Variants in POLR3E observed in about 807,000 individuals in gnomAD.
POLR3E encodes the protein DNA-directed RNA polymerase III subunit RPC5.
POLR3E carries 41 observed loss-of-function variants against 96.6 expected under a neutral mutation model. The ratio of observed to expected loss-of-function variants is 0.42; its 90% CI spans 0.33 to 0.55. The LOEUF (loss-of-function observed/expected upper bound fraction) is 0.55, where lower values mean the gene tolerates loss of function less well. Among genes scored for constraint, POLR3E ranks in the 20% least tolerant of loss-of-function variants. The probability of loss-of-function intolerance (pLI) is 0.06; values close to 1 mark genes in which losing one functional copy is unlikely to be tolerated. For missense variants in POLR3E, 849 were observed against 952.1 expected (o/e 0.89, Z 1.43); for synonymous variants, 396 against 383.6 (o/e 1.03, Z -0.38).
At chr16:22,317,968 G>A (rs1055925689) in intron 12 of POLR3E, among the ~76,000 whole-genome samples, 1 of 152,080 alleles carries the variant, frequency 6.6e-6, no homozygotes, top group East Asian at 1.9e-4. Flanking sequence ...TGATCCTTGA[G>A]TTCAGAATGG....
Position 22,318,824 on chromosome 16 carries a change from A to C in POLR3E, c.866-2A>C. ...GTCTGATGTCTCCTGCGTCCTCCTC[A>C]GTGAAGGTCATGCCTTTTGCCAACT... On this transcript the variant is annotated splice_acceptor_variant, in intron 12 of 20. Transcript: ENST00000299853. LOFTEE classifies it high-confidence loss of function. The surrounding 1 kb of genome is among the most constrained non-coding windows in gnomAD (Gnocchi z 5.0). The C allele has an allele frequency of 6.2e-7, 1 of 1,610,902 alleles. No individual in the cohort carries two copies. The highest frequency in any genetic ancestry group is 8.5e-7 in the Non-Finnish European group (1 of 1,178,384).
At chr16:22,331,892 G>A (rs1030944101) in intron 19 of POLR3E, 168 bp from the exon 20 acceptor site, 7 of 622,280 alleles carry the variant, frequency 1.1e-5, no homozygotes, top group Non-Finnish European at 2.0e-5. Context: ...ACACTGTCTT[G>A]CTGGGTCTCT....
chr16:22,324,461 A>C (rs778024075), intron 15 of POLR3E, 42 bp from the exon 16 acceptor site: 1 of 1,605,996 alleles, frequency 6.2e-7, no homozygotes, highest in East Asian at 2.3e-5. Flanking sequence ...GCTGGAGGGG[A>C]GGGGGCTGGC....
At chr16:22,326,301 G>A (rs1454319807) in intron 18 of POLR3E, 23 bp downstream of exon 18, 11 of 679,932 alleles carry the variant, frequency 1.6e-5, no homozygotes, top group Non-Finnish European at 2.6e-5. Context: ...CTGCCTGCCA[G>A]GGGCATGGGG....
At chr16:22,332,228 G>C in intron 20 of POLR3E, 43 bp downstream of exon 20, 2 of 1,590,838 alleles carry the variant, frequency 1.3e-6, no homozygotes, top group Non-Finnish European at 1.7e-6. Context: ...AAAGGCTCTG[G>C]AAGGGGCTGA....
At position 22,314,113 on chromosome 16, in the gene POLR3E, T is replaced by C; in HGVS notation, c.507T>C (p.Asp169=). The C allele has an allele frequency of 6.2e-7, 1 of 1,613,910 alleles. No homozygotes were observed. ...GDSSQDEAED[D]VKQITVRFSR... Reference sequence around the variant, plus strand: ...CTTCACAGGATGAGGCGGAAGACGATGTTAAGCAGATCACGGTGAGCCCTG... The same window carrying C: ...CTTCACAGGATGAGGCGGAAGACGACGTTAAGCAGATCACGGTGAGCCCTG... Residue 169 remains aspartate, a synonymous_variant, in exon 8 of 21, where the codon GAT becomes GAC. Transcript: ENST00000299853.
At position 22,313,508 on chromosome 16, in the gene POLR3E, G is replaced by GA; in HGVS notation, c.365-110dup. 1 of 687,896 alleles carries GA rather than the reference G, an allele frequency of 1.5e-6. No individual in the cohort carries two copies. 42.6% of individuals were successfully genotyped at this position (687,896 alleles called of 1,614,324 possible). ...ACTCTAGGATTGGGGGCTGCAGCGGGAATGGGAGGCGGTTTGATGGTGGGC... is the reference window on the plus strand; with the variant it reads ...ACTCTAGGATTGGGGGCTGCAGCGGGAAATGGGAGGCGGTTTGATGGTGGGC... On this transcript the variant is annotated intron_variant, in intron 6 of 20. Transcript: ENST00000299853. The surrounding 1 kb of genome is among the most constrained non-coding windows in gnomAD (Gnocchi z 4.1).
intron 1 of POLR3E, among the ~76,000 whole-genome samples, chr16:22,301,914 T>G (rs901594486): frequency 7.0e-6 from 1 of 143,104 alleles, no homozygotes; most frequent in Non-Finnish European, 1.5e-5. Context: ...AGAGCAAGAC[T>G]CCGTCTCAAG....
At chr16:22,308,052 G>T in intron 3 of POLR3E, 96 bp from the exon 4 acceptor site, 1 of 864,548 alleles carries the variant, frequency 1.2e-6, no homozygotes, top group Non-Finnish European at 1.9e-6. Flanking sequence ...GTCTCTGCTT[G>T]GGGTGGGCTT....
chr16:22,300,214 G>A (rs543229680), intron 1 of POLR3E, among the ~76,000 whole-genome samples: 3 of 152,256 alleles, frequency 2.0e-5, no homozygotes, highest in South Asian at 2.1e-4. Flanking sequence ...CATATAGTAG[G>A]GACAGTTATA....
intron 1 of POLR3E, among the ~76,000 whole-genome samples, chr16:22,297,795 G>C (rs971210689): frequency 6.6e-6 from 1 of 152,234 alleles, no homozygotes; most frequent in Admixed American, 6.5e-5. Context: ...GGGTCCAGCC[G>C]ACCTGCCCTA....
rs2048538720 is a variant in POLR3E at position 22,324,564 on chromosome 16, G to T, written c.1190G>T (p.Gly397Val). The T allele has an allele frequency of 1.2e-6, 2 of 1,613,334 alleles. No individual in the cohort carries two copies. The highest frequency in any genetic ancestry group is 1.7e-6 in the Non-Finnish European group (2 of 1,179,742). ...EHMAVVRINK[G>V]WEFILPYDGE... is the part of the protein sequence containing the mutation. ...ATGGCCGTGGTGAGGATCAACAAAG[G>T]CTGGGAGTTCATTCTGCCTTATGAT... The change falls in exon 16 of 21, where the codon GGC becomes GTC. Residue 397 changes from glycine to valine, a missense_variant. Transcript: ENST00000299853.
rs578144035 is a variant in POLR3E, at chr16:22,313,953, T to G, written c.473-126T>G. ...CTGTCCCCGATTGAGAACCACTGGCTTAGGCAGCTCCCTCTGCGAGGAGAA... is the reference window on the plus strand; with the variant it reads ...CTGTCCCCGATTGAGAACCACTGGCGTAGGCAGCTCCCTCTGCGAGGAGAA... On this transcript the variant is annotated intron_variant, in intron 7 of 20. Transcript: ENST00000299853. The surrounding 1 kb of genome is among the most constrained non-coding windows in gnomAD (Gnocchi z 4.1). 6.8e-5 allele frequency: 58 copies of G among 848,744 alleles called. No individual in the cohort carries two copies. The African/African-American group carries it at 8.0e-4, about 12-fold the overall frequency. The allele number at this position is 848,744 out of a possible 1,614,324, so 52.6% of individuals were successfully genotyped here. A position where few individuals can be genotyped will look rare whatever the true frequency, so the allele number is the denominator to read the frequency against.
At chr16:22,312,681 A>G (rs2048270758) in intron 6 of POLR3E, among the ~76,000 whole-genome samples, 2 of 151,998 alleles carry the variant, frequency 1.3e-5, no homozygotes, top group South Asian at 2.1e-4. Flanking sequence ...CCTGGCCAAC[A>G]TGGTGAAACA....
chr16:22,317,151 G>C lies in POLR3E; in HGVS notation c.810G>C (p.Met270Ile). The C allele has an allele frequency of 6.2e-7, 1 of 1,614,112 alleles. No individual in the cohort carries two copies. Among genetic ancestry groups the C allele is most frequent in the Non-Finnish European group, 8.5e-7 (1 of 1,180,016 alleles). ...TGGCCCCCAGCAACGTCCTGTCGAT[G>C]GCCCAGCTGCGCACGCTGCCCCTGG... ...KPVAPSNVLS[M>I]AQLRTLPLAD... The change falls in exon 12 of 21, where the codon ATG becomes ATC. Residue 270 changes from methionine (M) to isoleucine (I), a missense_variant. Transcript: ENST00000299853.
At chr16:22,306,030 G>C (rs1598239201) in intron 3 of POLR3E, among the ~76,000 whole-genome samples, 1 of 152,120 alleles carries the variant, frequency 6.6e-6, no homozygotes, top group East Asian at 1.9e-4. Context: ...CCCTTTAAAG[G>C]AACCCCTTGC....
chr16:22,316,121 C>A (rs2048351113), intron 9 of POLR3E, among the ~76,000 whole-genome samples: 1 of 152,198 alleles, frequency 6.6e-6, no homozygotes, highest in Non-Finnish European at 1.5e-5. Context: ...TTTGTGTTAA[C>A]AGACCCTTAG....
chr16:22,311,907 C>T (rs978999209), intron 6 of POLR3E, among the ~76,000 whole-genome samples: 3 of 152,104 alleles, frequency 2.0e-5, no homozygotes, highest in South Asian at 4.1e-4. Context: ...ACCATAGAGC[C>T]GAGGCGTGTA....
chr16:22,323,415 C>T (rs933842736), intron 14 of POLR3E, among the ~76,000 whole-genome samples: 1 of 151,978 alleles, frequency 6.6e-6, no homozygotes, highest in Admixed American at 6.6e-5. Context: ...CTCCCTTCTT[C>T]CCATCACCCC....
Sources: allele counts gnomAD v4.1 joint callset (sites outside exome capture counted in the v4.1 genomes callset), GRCh38; gene constraint gnomAD v4.1.1; non-coding constraint Gnocchi (gnomAD v3.1); transcripts MANE v1.5; gene names NCBI Gene and HGNC (gene_info 2026-07-23, HGNC 2026-07-21).